SPIN1: variants seen among roughly 807,000 people sequenced by gnomAD.
SPIN1 encodes spindlin 1, also known as spindlin-1.
A neutral mutation model predicts 26.0 loss-of-function variants in SPIN1; 3 were observed. The ratio of observed to expected loss-of-function variants is 0.12; its 90% confidence interval spans 0.05 to 0.30. SPIN1 has a LOEUF of 0.30. Among genes scored for constraint, SPIN1 ranks in the 10% least tolerant of loss-of-function variants. The probability of loss-of-function intolerance (pLI) is 1.00; values close to 1 mark genes in which losing one functional copy is unlikely to be tolerated. For missense variants in SPIN1, 126 were observed against 333.4 expected (o/e 0.38, Z 4.84); for synonymous variants, 101 against 116.5 (o/e 0.87, Z 0.86).
chr9:88,411,999 G>A (rs926436290), intron 1 of SPIN1, among the ~76,000 whole-genome samples: 25 of 149,232 alleles, frequency 1.7e-4, no homozygotes, highest in Non-Finnish European at 2.7e-4. Context: ...GTGAAACCCC[G>A]TCTCTACTAA....
At chr9:88,404,061 A>ACTGT (rs1292877758) in intron 1 of SPIN1, among the ~76,000 whole-genome samples, 1 of 152,212 alleles carries the variant, frequency 6.6e-6, no homozygotes, top group Non-Finnish European at 1.5e-5. Flanking sequence ...TGAACTGAAT[A>ACTGT]CTGTAGACAG....
rs560765713 is a variant in SPIN1 at position 88,449,714 on chromosome 9, A to G, written c.101+725A>G. 8.1e-4 allele frequency among the ~76,000 whole-genome samples: 124 copies of G among 152,352 alleles called. 3 individuals are homozygous for G. The highest frequency in any genetic ancestry group is 2.8e-3 in the African/African-American group (116 of 41,582). ...AACTATCTATCCTATACTGATAACT[A>G]TGCCACTTCAAACTGGAAATGTCAC... is the stretch of plus-strand genomic sequence containing the variant. On this transcript the variant is annotated intron_variant, in intron 3 of 5. Transcript: ENST00000375859.
At chr9:88,413,326 G>A (rs902532584) in intron 1 of SPIN1, among the ~76,000 whole-genome samples, 8 of 151,652 alleles carry the variant, frequency 5.3e-5, no homozygotes, top group Non-Finnish European at 1.2e-4. Context: ...CTAAAGTGTT[G>A]GCCTCCTAAA....
rs1491193310 is a variant in SPIN1 at position 88,413,066 on chromosome 9, T to TTG, written c.-158-13315_-158-13314insGT. Among the ~76,000 whole-genome samples the TTG allele has an allele frequency of 2.1e-3, 168 of 80,126 alleles. 1 individual carries two copies. In the African/African-American group the frequency reaches 0.028, roughly 13 times the overall value. 52.6% of individuals were successfully genotyped at this position (80,126 alleles called of 152,430 possible). A position where few individuals can be genotyped will look rare whatever the true frequency, so the allele number is the denominator to read the frequency against. ...TGTTTTTTAAGATATTAAAATTAAGTTTTTTTTTTTTTTTTTTTGAGATGG... is the reference window on the plus strand; with the variant it reads ...TGTTTTTTAAGATATTAAAATTAAGTTGTTTTTTTTTTTTTTTTTTGAGATGG... On this transcript the variant is annotated intron_variant, in intron 1 of 5. Coordinates refer to ENST00000375859, the MANE Select transcript of SPIN1 (RefSeq NM_006717.3).
intron 3 of SPIN1, among the ~76,000 whole-genome samples, chr9:88,457,556 C>T (rs539359045): frequency 3.0e-4 from 46 of 152,034 alleles, no homozygotes; most frequent in Middle Eastern, 3.4e-3. Flanking sequence ...AAATAAAACA[C>T]CTTGAAGAGA....
intron 3 of SPIN1, among the ~76,000 whole-genome samples, chr9:88,459,830 G>T (rs540199051): frequency 4.7e-4 from 71 of 152,172 alleles, no homozygotes; most frequent in African/African-American, 1.7e-3. Context: ...TTTTGTTTGC[G>T]GCCTTTATAC....
intron 3 of SPIN1, chr9:88,457,896 A>G (rs1327893713): frequency 4.7e-5 from 46 of 984,832 alleles, no homozygotes; most frequent in Non-Finnish European, 5.5e-5. Flanking sequence ...TTACTAAGAT[A>G]GTAGCAAAAT....
intron 2 of SPIN1, among the ~76,000 whole-genome samples, chr9:88,440,090 T>G (rs1430102051): frequency 6.6e-6 from 1 of 152,108 alleles, no homozygotes; most frequent in Non-Finnish European, 1.5e-5. Context: ...TGGTTTTAAT[T>G]GAGCATTTTA....
Position 88,397,371 on chromosome 9 carries a change from C to T in SPIN1, c.-159+8833C>T, listed in dbSNP as rs1016456962. 5.9e-5 allele frequency among the ~76,000 whole-genome samples: 9 copies of T among 152,028 alleles called. 1 individual carries two copies. The highest frequency in any genetic ancestry group is 2.1e-4 in the South Asian group (1 of 4,826). On this transcript the variant is annotated intron_variant, in intron 1 of 5. Coordinates refer to ENST00000375859, the MANE Select transcript of SPIN1 (RefSeq NM_006717.3). ...CTTGTACTGTTTTTCCCCTTGCTTT[C>T]CTTTGCTCCAGTTGTGTGGGGCCTC...
intron 2 of SPIN1, among the ~76,000 whole-genome samples, chr9:88,447,670 CA>C (rs1203987919): frequency 6.6e-6 from 1 of 152,210 alleles, no homozygotes; most frequent in Admixed American, 6.5e-5. Flanking sequence ...CATCCTCCCC[CA>C]AATGCAGACT....
chr9:88,402,433 C>A (rs1827207245), intron 1 of SPIN1, among the ~76,000 whole-genome samples: 1 of 152,062 alleles, frequency 6.6e-6, no homozygotes, highest in Non-Finnish European at 1.5e-5. Flanking sequence ...ATGTTTGTAC[C>A]CATTAACCAA....
chr9:88,439,767 A>T (rs926126427), intron 2 of SPIN1, among the ~76,000 whole-genome samples: 2 of 151,654 alleles, frequency 1.3e-5, no homozygotes, highest in African/African-American at 2.4e-5. Context: ...CTTCCTCCAA[A>T]CTCTGCTTTT....
intron 2 of SPIN1, among the ~76,000 whole-genome samples, chr9:88,435,808 A>G (rs900659760): frequency 1.7e-4 from 26 of 152,038 alleles, no homozygotes; most frequent in Admixed American, 2.0e-4. Context: ...TCCCACCTGT[A>G]TGGGTCTGTC....
chr9:88,447,479 A>G (rs554108218), intron 2 of SPIN1, among the ~76,000 whole-genome samples: 2 of 152,074 alleles, frequency 1.3e-5, no homozygotes, highest in South Asian at 2.1e-4. Flanking sequence ...GTTGGAGTCT[A>G]TTTTGGCAAG....
At chr9:88,392,320 C>T (rs578009264) in intron 1 of SPIN1, among the ~76,000 whole-genome samples, 8 of 152,054 alleles carry the variant, frequency 5.3e-5, no homozygotes, top group African/African-American at 1.9e-4. Flanking sequence ...TAGAACAAGT[C>T]GTGTTTGGCT....
intron 1 of SPIN1, among the ~76,000 whole-genome samples, chr9:88,409,194 C>T (rs1046835368): frequency 2.7e-5 from 4 of 149,766 alleles, no homozygotes; most frequent in East Asian, 4.1e-4. Context: ...GGGGTTTTTT[C>T]ATGTTGATCA....
chr9:88,414,045 A>T (rs1587782961), intron 1 of SPIN1, among the ~76,000 whole-genome samples: 1 of 150,526 alleles, frequency 6.6e-6, no homozygotes, highest in African/African-American at 2.5e-5. Flanking sequence ...AAAAAAAAAT[A>T]CAAATTAGGA....
intron 1 of SPIN1, among the ~76,000 whole-genome samples, chr9:88,396,351 C>T (rs916091856): frequency 1.3e-5 from 2 of 152,136 alleles, no homozygotes; most frequent in South Asian, 2.1e-4. Flanking sequence ...ACTGTACTCC[C>T]AGCACTTTGG....
At chr9:88,437,134 A>C (rs1470681044) in intron 2 of SPIN1, among the ~76,000 whole-genome samples, 1 of 152,002 alleles carries the variant, frequency 6.6e-6, no homozygotes, top group Non-Finnish European at 1.5e-5. Flanking sequence ...GTTTGGATGC[A>C]CAAGTTTATT....
Sources: gnomAD v4.1 joint callset for allele counts (sites outside exome capture counted in the v4.1 genomes callset) on GRCh38, gnomAD v4.1.1 for gene constraint, MANE v1.5 for transcripts, NCBI Gene and HGNC (gene_info 2026-07-23, HGNC 2026-07-21) for gene names.